The following SMG6 variants were observed in gnomAD, a reference collection of about 807,000 sequenced individuals.
SMG6 encodes telomerase-binding protein EST1A.
SMG6 carries 66 observed loss-of-function variants against 142.2 expected under a neutral mutation model. The ratio of observed to expected loss-of-function variants is 0.46; its 90% CI spans 0.38 to 0.57. The LOEUF (loss-of-function observed/expected upper bound fraction) is 0.57. Ranked by LOEUF, SMG6 falls within the 20% of genes least tolerant of loss-of-function variation. SMG6 has a pLI of 0.00. For missense variants in SMG6, 1,793 were observed against 1,832.0 expected, an observed-to-expected ratio of 0.98 and a Z score of 0.39; for synonymous variants, 779 against 702.4, an observed-to-expected ratio of 1.11 and a Z score of -1.72.
intron 13 of SMG6, among the ~76,000 whole-genome samples, chr17:2,110,277 A>G (rs2069275523): frequency 6.6e-6 from 1 of 152,076 alleles, no homozygotes; most frequent in South Asian, 2.1e-4. Flanking sequence ...GAAACATGGC[A>G]CATGGTGAAA....
chr17:2,139,515 G>T (rs1015222008), intron 13 of SMG6, among the ~76,000 whole-genome samples: 29 of 148,318 alleles, frequency 2.0e-4, no homozygotes, highest in Non-Finnish European at 7.4e-5. Context: ...TTGGCCTCCC[G>T]GCATCAAGCG....
rs759334244 is a variant in SMG6 at position 2,177,274 on chromosome 17, G to A, written c.3156-4415C>T. The stretch of plus-strand genomic sequence containing the variant: ...GATTAAGGTATGCCAGGTGAGACAC[G>A]TCACACCACAATAATCTACCTTCTT... On this transcript the variant is annotated intron_variant, in intron 12 of 18. Transcript: ENST00000263073. 6.6e-5 allele frequency among the ~76,000 whole-genome samples: 10 copies of A among 152,150 alleles called. No homozygotes were observed. In the South Asian group the frequency reaches 1.7e-3, roughly 25 times the overall value.
At chr17:2,240,809 C>T (rs2073782580) in intron 9 of SMG6, among the ~76,000 whole-genome samples, 1 of 152,196 alleles carries the variant, frequency 6.6e-6, no homozygotes, top group Non-Finnish European at 1.5e-5. Context: ...CGAGCTTTTC[C>T]GAAAGGGCAG....
chr17:2,131,636 G>A (rs2070125534), intron 13 of SMG6, among the ~76,000 whole-genome samples: 1 of 152,064 alleles, frequency 6.6e-6, no homozygotes. Context: ...AACTGGAAAG[G>A]AAATGGCTGA....
chr17:2,173,279 C>A (rs1015550338), intron 12 of SMG6: 43 of 212,526 alleles, frequency 2.0e-4, no homozygotes, highest in Non-Finnish European at 3.9e-4. Context: ...GAGCACCAGC[C>A]TCTCCTCCTC....
At chr17:2,193,779 G>A (rs1175042192) in intron 10 of SMG6, among the ~76,000 whole-genome samples, 3 of 152,234 alleles carry the variant, frequency 2.0e-5, no homozygotes, top group Non-Finnish European at 4.4e-5. Context: ...TCTGTCACCA[G>A]AGGGAGAGGA....
chr17:2,261,091 G>A (rs1478725429), intron 8 of SMG6, among the ~76,000 whole-genome samples: 1 of 152,066 alleles, frequency 6.6e-6, no homozygotes, highest in Non-Finnish European at 1.5e-5. Flanking sequence ...CAGATCACGA[G>A]GTCAGGAGAT....
chr17:2,165,153 A>G (rs1252169444), intron 13 of SMG6, among the ~76,000 whole-genome samples: 5 of 152,220 alleles, frequency 3.3e-5, no homozygotes, highest in Admixed American at 3.3e-4. Flanking sequence ...GCAATGCTTC[A>G]GCAGTTCAGA....
chr17:2,243,890 C>A (rs2073869909), intron 9 of SMG6, among the ~76,000 whole-genome samples: 1 of 152,170 alleles, frequency 6.6e-6, no homozygotes. Context: ...CCACCTACTA[C>A]TTTCTTCACT....
At chr17:2,176,486 C>T (rs1567660208) in intron 12 of SMG6, among the ~76,000 whole-genome samples, 1 of 152,182 alleles carries the variant, frequency 6.6e-6, no homozygotes, top group East Asian at 1.9e-4. Flanking sequence ...TCATGCAGGT[C>T]CTTCTGGTTT....
intron 9 of SMG6, among the ~76,000 whole-genome samples, chr17:2,240,482 G>GA (rs10714389): frequency 3.1e-4 from 46 of 147,750 alleles, no homozygotes; most frequent in East Asian, 9.9e-4. Context: ...GTGGAAATGA[G>GA]AAAAAAAAAA....
chr17:2,118,142 T>C (rs963540259), intron 13 of SMG6, among the ~76,000 whole-genome samples: 12 of 151,764 alleles, frequency 7.9e-5, no homozygotes, highest in South Asian at 2.1e-4. Flanking sequence ...TCTTGGGAGG[T>C]TGAGGTGGGA....
chr17:2,278,936 C>T (rs1340446425), intron 8 of SMG6, among the ~76,000 whole-genome samples: 4 of 152,096 alleles, frequency 2.6e-5, no homozygotes, highest in South Asian at 2.1e-4. Context: ...CCCTCATTCG[C>T]GTATCAACTA....
intron 13 of SMG6, among the ~76,000 whole-genome samples, chr17:2,093,948 C>T (rs2068791201): frequency 6.6e-6 from 1 of 152,044 alleles, no homozygotes; most frequent in African/African-American, 2.4e-5. Context: ...GGTGCTAGAT[C>T]CAGGCTACTG....
At chr17:2,296,367 G>C (rs997359501) in intron 4 of SMG6, among the ~76,000 whole-genome samples, 1 of 152,100 alleles carries the variant, frequency 6.6e-6, no homozygotes, top group Non-Finnish European at 1.5e-5. Flanking sequence ...AACTCAGCTT[G>C]ACAATCTCCA....
At chr17:2,176,670 A>G (rs1359393186) in intron 12 of SMG6, among the ~76,000 whole-genome samples, 2 of 152,156 alleles carry the variant, frequency 1.3e-5, no homozygotes, top group East Asian at 3.9e-4. Context: ...AGCAGCTGTG[A>G]TGTGATTAGA....
chr17:2,190,385 T>C (rs1187196689), intron 10 of SMG6, among the ~76,000 whole-genome samples: 1 of 152,060 alleles, frequency 6.6e-6, no homozygotes. Context: ...GAGGGGGGTG[T>C]CCTGGCTCCA....
chr17:2,302,139 G>A (rs1376991059), intron 1 of SMG6, among the ~76,000 whole-genome samples: 1 of 152,164 alleles, frequency 6.6e-6, no homozygotes, highest in African/African-American at 2.4e-5. Context: ...TGTAATTCCA[G>A]CTACTCGGAA....
At chr17:2,201,960 G>A (rs780926334) in intron 10 of SMG6, among the ~76,000 whole-genome samples, 1 of 151,972 alleles carries the variant, frequency 6.6e-6, no homozygotes, top group East Asian at 1.9e-4. Flanking sequence ...GAAGGTGGAG[G>A]TTGTAGTGAG....
Sources: allele counts gnomAD v4.1 joint callset (sites outside exome capture counted in the v4.1 genomes callset), GRCh38; gene constraint gnomAD v4.1.1; transcripts MANE v1.5; gene names NCBI Gene and HGNC (gene_info 2026-07-23, HGNC 2026-07-21).